TRAT1: variants seen among roughly 807,000 people sequenced by gnomAD.
TRAT1 encodes the protein T cell receptor associated transmembrane adaptor 1, also known as T-cell receptor-associated transmembrane adapter 1.
In TRAT1, 20 loss-of-function variants were observed where a neutral mutation model predicts 20.0. The ratio of observed to expected loss-of-function variants is 1.00; its 90% CI spans 0.70 to 1.45. TRAT1 has a LOEUF of 1.45. Among genes scored for constraint, TRAT1 ranks in the 40% most tolerant of loss-of-function variants. TRAT1 has a pLI of 0.00. For synonymous variants in TRAT1, 77 were observed against 74.2 expected (o/e 1.04, Z -0.20); for missense variants, 237 against 224.1 (o/e 1.06, Z -0.37).
intron 3 of TRAT1, among the ~76,000 whole-genome samples, chr3:108,846,581 G>A (rs1945944834): frequency 6.6e-6 from 1 of 152,154 alleles, no homozygotes; most frequent in Admixed American, 6.5e-5. Flanking sequence ...GATATTCTGG[G>A]TGAGTAAAGA....
chr3:108,853,809 G>A lies in TRAT1; in HGVS notation c.493G>A (p.Glu165Lys). 6.2e-7 allele frequency: 1 copy of A among 1,614,110 alleles called. No homozygotes were observed. Among genetic ancestry groups the A allele is most frequent in the Non-Finnish European group, 8.5e-7 (1 of 1,179,950 alleles). The change falls in exon 6 of 6, where the codon GAA becomes AAA. Residue 165 changes from glutamate to lysine, a missense_variant. Physicochemically the swap from Glu to Lys is moderately conservative, Grantham distance 56 (BLOSUM62 1). Transcript: ENST00000295756. ...SFSPESQAVE[E>K]NIHDDPIRLF... ...CTCCCCAGAAAGCCAGGCAGTAGAG[G>A]AAAACATTCATGATGATCCCATCAG...
chr3:108,853,694 A>G lies in TRAT1; in HGVS notation c.378A>G (p.Lys126=). Residue 126 remains lysine (K), a synonymous_variant, in exon 6 of 6, where the codon AAA becomes AAG. Coordinates refer to ENST00000295756, the MANE Select transcript of TRAT1 (RefSeq NM_016388.4). ...AGGGGAAGCGTAGAAAGCCCAGGAAACAGAATACTCATTTCTCAGACAAGG... is the reference window on the plus strand; with the variant it reads ...AGGGGAAGCGTAGAAAGCCCAGGAAGCAGAATACTCATTTCTCAGACAAGG... The part of the protein sequence containing the change: ...SVKGKRRKPR[K]QNTHFSDKDG... 1 of 1,614,156 alleles carries G rather than the reference A, an allele frequency of 6.2e-7. No homozygotes were observed. Among genetic ancestry groups the G allele is most frequent in the Non-Finnish European group, 8.5e-7 (1 of 1,179,998 alleles).
chr3:108,845,327 C>T (rs1385996966), intron 3 of TRAT1, among the ~76,000 whole-genome samples: 2 of 152,198 alleles, frequency 1.3e-5, no homozygotes, highest in Non-Finnish European at 2.9e-5. Flanking sequence ...AAACAATACT[C>T]ATTTTTTGGA....
At chr3:108,843,503 AT>A (rs1389442471) in intron 3 of TRAT1, among the ~76,000 whole-genome samples, 2 of 152,090 alleles carry the variant, frequency 1.3e-5, no homozygotes, top group African/African-American at 4.8e-5. Flanking sequence ...GCACTCCAAC[AT>A]GGTGACAGAG....
chr3:108,839,269 T>C (rs1051925005), intron 3 of TRAT1: 1 of 354,714 alleles, frequency 2.8e-6, no homozygotes, highest in African/African-American at 2.1e-5. Flanking sequence ...TGATCCAGCT[T>C]AGATACAGAA....
At chr3:108,843,109 T>C (rs1945909399) in intron 3 of TRAT1, among the ~76,000 whole-genome samples, 1 of 152,224 alleles carries the variant, frequency 6.6e-6, no homozygotes, top group Non-Finnish European at 1.5e-5. Flanking sequence ...TAAGCATATA[T>C]GCATCACTCT....
intron 5 of TRAT1, among the ~76,000 whole-genome samples, chr3:108,851,519 T>C (rs529110855): frequency 6.6e-6 from 1 of 152,286 alleles, no homozygotes; most frequent in Admixed American, 6.5e-5. Flanking sequence ...CCCTTTCTCC[T>C]AATTATTTCA....
intron 3 of TRAT1, among the ~76,000 whole-genome samples, chr3:108,840,221 T>C (rs1232974080): frequency 2.6e-5 from 4 of 152,206 alleles, no homozygotes; most frequent in Admixed American, 2.6e-4. Flanking sequence ...TAACATTGAA[T>C]TATTTAACAT....
chr3:108,833,000 G>C (rs1945808291), intron 2 of TRAT1, among the ~76,000 whole-genome samples: 1 of 152,014 alleles, frequency 6.6e-6, no homozygotes, highest in Admixed American at 6.6e-5. Context: ...TCTCATTTTT[G>C]GTAGTTTGTG....
chr3:108,843,395 C>T (rs1945912681), intron 3 of TRAT1, among the ~76,000 whole-genome samples: 1 of 151,872 alleles, frequency 6.6e-6, no homozygotes, highest in Admixed American at 6.6e-5. Flanking sequence ...CTGGGCATGT[C>T]GTCATGCGCC....
intron 3 of TRAT1, among the ~76,000 whole-genome samples, chr3:108,843,490 A>T (rs975996108): frequency 6.6e-6 from 1 of 152,150 alleles, no homozygotes; most frequent in Admixed American, 6.5e-5. Context: ...AGATCACACC[A>T]CTGCACTCCA....
At chr3:108,851,253 G>A (rs948935788) in intron 5 of TRAT1, among the ~76,000 whole-genome samples, 1 of 152,178 alleles carries the variant, frequency 6.6e-6, no homozygotes, top group Non-Finnish European at 1.5e-5. Context: ...AGGCTCCTTG[G>A]CCTTTGAAAA....
intron 4 of TRAT1, 105 bp from the exon 5 acceptor site, chr3:108,849,061 G>T: frequency 1.1e-6 from 1 of 945,464 alleles, no homozygotes; most frequent in Non-Finnish European, 1.6e-6. Flanking sequence ...AGTAATTCTT[G>T]GGCAGTTTAT....
chr3:108,823,768 A>G (rs1379226433), intron 1 of TRAT1, among the ~76,000 whole-genome samples: 1 of 152,198 alleles, frequency 6.6e-6, no homozygotes, highest in Non-Finnish European at 1.5e-5. Context: ...CCCTTTTAAT[A>G]TAACTTCTGC....
At chr3:108,836,060 C>T (rs992829111) in intron 2 of TRAT1, among the ~76,000 whole-genome samples, 1 of 151,932 alleles carries the variant, frequency 6.6e-6, no homozygotes, top group Non-Finnish European at 1.5e-5. Flanking sequence ...GCTGGGACTA[C>T]AGGCGCATGC....
At chr3:108,836,940 A>G (rs1192971595) in intron 2 of TRAT1, among the ~76,000 whole-genome samples, 7 of 152,212 alleles carry the variant, frequency 4.6e-5, no homozygotes, top group Non-Finnish European at 1.0e-4. Flanking sequence ...AATCTGCAAA[A>G]TAATTAGTGG....
chr3:108,847,798 C>T (rs557096042), intron 4 of TRAT1, among the ~76,000 whole-genome samples: 1 of 152,254 alleles, frequency 6.6e-6, no homozygotes, highest in South Asian at 2.1e-4. Context: ...TGCAAGTACT[C>T]ATTCAATACA....
At chr3:108,841,888 C>T (rs1265910111) in intron 3 of TRAT1, among the ~76,000 whole-genome samples, 1 of 152,130 alleles carries the variant, frequency 6.6e-6, no homozygotes, top group Non-Finnish European at 1.5e-5. Context: ...GAGATCCAGG[C>T]AATTCTGAAT....
intron 3 of TRAT1, among the ~76,000 whole-genome samples, chr3:108,845,018 G>A (rs1316574455): frequency 6.6e-6 from 1 of 152,016 alleles, no homozygotes; most frequent in Non-Finnish European, 1.5e-5. Context: ...GGAGAGTCTG[G>A]TCTGGCTGAA....
Sources: allele counts gnomAD v4.1 joint callset (sites outside exome capture counted in the v4.1 genomes callset), GRCh38; gene constraint gnomAD v4.1.1; transcripts MANE v1.5; gene names NCBI Gene and HGNC (gene_info 2026-07-23, HGNC 2026-07-21).